The following EPHA6 variants were observed in gnomAD, a reference collection of about 807,000 sequenced individuals.
EPHA6 encodes the protein ephrin type-A receptor 6.
A neutral mutation model predicts 112.0 loss-of-function variants in EPHA6; 50 were observed. That is an observed-to-expected ratio of 0.45 (90% CI 0.36 to 0.56). The LOEUF (loss-of-function observed/expected upper bound fraction) is 0.56. Among genes scored for constraint, EPHA6 ranks in the 20% least tolerant of loss-of-function variants. EPHA6 has a pLI of 0.00. For missense variants in EPHA6, 1,280 were observed against 1,417.4 expected (o/e 0.90, Z 1.56); for synonymous variants, 529 against 490.7 (o/e 1.08, Z -1.03).
At chr3:97,018,570 A>T (rs2044344745) in intron 3 of EPHA6, among the ~76,000 whole-genome samples, 1 of 152,214 alleles carries the variant, frequency 6.6e-6, no homozygotes, top group Non-Finnish European at 1.5e-5. Flanking sequence ...GGAGACAAAG[A>T]GAGAAACAAC....
At chr3:96,849,285 A>T (rs998760697) in intron 1 of EPHA6, among the ~76,000 whole-genome samples, 1 of 152,156 alleles carries the variant, frequency 6.6e-6, no homozygotes, top group Non-Finnish European at 1.5e-5. Flanking sequence ...AATGTGGATG[A>T]TTCTGACTTG....
chr3:97,379,500 C>T (rs1040050057), intron 5 of EPHA6, among the ~76,000 whole-genome samples: 5 of 151,514 alleles, frequency 3.3e-5, no homozygotes, highest in African/African-American at 1.2e-4. Flanking sequence ...ACTGTAATCC[C>T]AACACTTTGG....
intron 1 of EPHA6, among the ~76,000 whole-genome samples, chr3:96,825,900 A>G (rs1409327875): frequency 1.3e-5 from 2 of 151,790 alleles, no homozygotes; most frequent in African/African-American, 4.8e-5. Flanking sequence ...ATAATAATTA[A>G]AGATATTTTG....
intron 5 of EPHA6, among the ~76,000 whole-genome samples, chr3:97,266,522 T>C (rs1202203785): frequency 6.6e-6 from 1 of 152,172 alleles, no homozygotes; most frequent in Non-Finnish European, 1.5e-5. Context: ...AAAAAAAATT[T>C]GCTACCACTA....
chr3:97,464,879 AT>A (rs2091005764), intron 7 of EPHA6, among the ~76,000 whole-genome samples: 1 of 152,106 alleles, frequency 6.6e-6, no homozygotes, highest in African/African-American at 2.4e-5. Context: ...AAAGAAAATG[AT>A]TTTCAATTTG....
chr3:97,048,954 A>G (rs2045599077), intron 3 of EPHA6, among the ~76,000 whole-genome samples: 1 of 152,178 alleles, frequency 6.6e-6, no homozygotes, highest in South Asian at 2.1e-4. Context: ...TCTGAAGATG[A>G]TATTTAAGTA....
At chr3:97,411,914 T>C (rs1260118057) in intron 6 of EPHA6, among the ~76,000 whole-genome samples, 1 of 152,026 alleles carries the variant, frequency 6.6e-6, no homozygotes, top group Non-Finnish European at 1.5e-5. Context: ...ACTGTTCAGA[T>C]TATTTTTTAT....
intron 10 of EPHA6, among the ~76,000 whole-genome samples, chr3:97,503,994 T>C (rs2092186451): frequency 1.3e-5 from 2 of 152,226 alleles, no homozygotes; most frequent in Non-Finnish European, 2.9e-5. Flanking sequence ...AGGGTTATTC[T>C]TTCAATTTCC....
chr3:97,045,375 A>C, intron 3 of EPHA6, among the ~76,000 whole-genome samples: 1 of 152,060 alleles, frequency 6.6e-6, no homozygotes, highest in East Asian at 1.9e-4. Context: ...ACAAAATGAT[A>C]AAATTGCCGT....
chr3:97,103,689 C>T (rs1256314845), intron 3 of EPHA6, among the ~76,000 whole-genome samples: 1 of 151,972 alleles, frequency 6.6e-6, no homozygotes, highest in Non-Finnish European at 1.5e-5. Flanking sequence ...GTGAAAATGT[C>T]ATTGGGAGTT....
intron 11 of EPHA6, among the ~76,000 whole-genome samples, chr3:97,572,081 T>A (rs991085917): frequency 2.6e-5 from 4 of 152,268 alleles, no homozygotes; most frequent in South Asian, 4.1e-4. Flanking sequence ...GTAGAAGTTT[T>A]CTTGGACCAA....
chr3:97,513,983 A>G lies in EPHA6; in HGVS notation c.2201-18375A>G, dbSNP rs1055562393. On this transcript the variant is annotated intron_variant, in intron 10 of 17. Coordinates refer to ENST00000389672, the MANE Select transcript of EPHA6 (RefSeq NM_001080448.3). The stretch of plus-strand genomic sequence containing the variant: ...AGAGGGTGTTGAGAAATTGTGCTTA[A>G]AAGAATGATATAATTCAGCCTAAAT... Among the ~76,000 whole-genome samples the G allele has an allele frequency of 4.6e-5, 7 of 152,152 alleles. 1 individual carries two copies. In the South Asian group the frequency reaches 8.3e-4, roughly 18 times the overall value.
chr3:97,120,629 A>C (rs2048015934), intron 3 of EPHA6, among the ~76,000 whole-genome samples: 1 of 152,034 alleles, frequency 6.6e-6, no homozygotes, highest in African/African-American at 2.4e-5. Flanking sequence ...TATGTTTTTA[A>C]AAATTCCTAT....
intron 11 of EPHA6, among the ~76,000 whole-genome samples, chr3:97,577,296 A>C (rs2093395707): frequency 6.6e-6 from 1 of 152,242 alleles, no homozygotes; most frequent in Admixed American, 6.5e-5. Context: ...CATAAGACTT[A>C]TCCAAAGTAA....
At chr3:97,189,562 A>G (rs1042301015) in intron 3 of EPHA6, among the ~76,000 whole-genome samples, 2 of 152,116 alleles carry the variant, frequency 1.3e-5, no homozygotes, top group African/African-American at 2.4e-5. Flanking sequence ...GCAGTGCAAC[A>G]GGGTTCTACT....
At position 97,216,594 on chromosome 3, in the gene EPHA6, G is replaced by T. The variant is rs186343519; in HGVS notation, c.1115-9670G>T. Among the ~76,000 whole-genome samples the T allele has an allele frequency of 4.4e-3, 669 of 152,324 alleles. 4 individuals carry two copies. The highest frequency in any genetic ancestry group is 0.014 in the African/African-American group (597 of 41,572). ...TGCTTTTCTTTTGGGCATATAGCAA[G>T]CAGTGGAATTGTTATATCAAATGGT... On this transcript the variant is annotated intron_variant, in intron 3 of 17. Coordinates refer to ENST00000389672, the MANE Select transcript of EPHA6 (RefSeq NM_001080448.3).
At chr3:96,862,263 A>G (rs1576171120) in intron 1 of EPHA6, among the ~76,000 whole-genome samples, 1 of 151,916 alleles carries the variant, frequency 6.6e-6, no homozygotes, top group African/African-American at 2.4e-5. Flanking sequence ...GAGGTAGTAG[A>G]GTGTTACAGT....
rs1272492225 is a variant in EPHA6 at position 97,758,801 on chromosome 3, GA to G, written c.*10102del. 6.6e-6 allele frequency among the ~76,000 whole-genome samples: 1 copy of G among 151,850 alleles called. No homozygotes were observed. Among genetic ancestry groups the G allele is most frequent in the Non-Finnish European group, 1.5e-5 (1 of 67,876 alleles). Reference sequence around the variant, plus strand: ...ATTACAAGCAGAGGGAAAATTTAATGAATGAAATTACAAGCAGAGGGGGATA... The same window carrying G: ...ATTACAAGCAGAGGGAAAATTTAATGATGAAATTACAAGCAGAGGGGGATA... On this transcript the variant is annotated 3_prime_UTR_variant, in exon 18 of 18. Transcript: ENST00000389672.
At chr3:97,387,965 GAAT>G (rs1055527454) in intron 5 of EPHA6, among the ~76,000 whole-genome samples, 4 of 152,168 alleles carry the variant, frequency 2.6e-5, no homozygotes, top group African/African-American at 9.7e-5. Context: ...AGAAGAGAGA[GAAT>G]GAGGGGGAAG....
Sources: allele counts gnomAD v4.1 joint callset (sites outside exome capture counted in the v4.1 genomes callset), GRCh38; gene constraint gnomAD v4.1.1; transcripts MANE v1.5; gene names NCBI Gene and HGNC (gene_info 2026-07-23, HGNC 2026-07-21).